Variants in CADPS2 observed in about 807,000 individuals in gnomAD.
The protein encoded by CADPS2 is calcium-dependent secretion activator 2.
CADPS2 carries 93 observed loss-of-function variants against 172.5 expected under a neutral mutation model. The observed-to-expected ratio is 0.54, with a 90% CI of 0.46 to 0.64. The LOEUF (loss-of-function observed/expected upper bound fraction) is 0.64. Among genes scored for constraint, CADPS2 ranks in the 30% least tolerant of loss-of-function variants. The pLI is 0.00. For synonymous variants in CADPS2, 546 were observed against 555.2 expected (o/e 0.98, Z 0.23); for missense variants, 1,420 against 1,565.9 (o/e 0.91, Z 1.57).
At chr7:122,627,255 T>C (rs1050044988) in intron 4 of CADPS2, among the ~76,000 whole-genome samples, 1 of 152,250 alleles carries the variant, frequency 6.6e-6, no homozygotes, top group African/African-American at 2.4e-5. Flanking sequence ...ACAAGGTTTG[T>C]AGGATTATTG....
At chr7:122,733,240 A>G (rs538542850) in intron 2 of CADPS2, among the ~76,000 whole-genome samples, 15 of 152,078 alleles carry the variant, frequency 9.9e-5, no homozygotes, top group Admixed American at 5.9e-4. Context: ...TTACAATACA[A>G]AAGTAATACT....
chr7:122,556,593 T>C (rs1234667763), intron 7 of CADPS2, among the ~76,000 whole-genome samples: 1 of 152,142 alleles, frequency 6.6e-6, no homozygotes, highest in Non-Finnish European at 1.5e-5. Flanking sequence ...CTAAATTAGG[T>C]CCCAAAATAA....
At chr7:122,527,617 A>AGAGAGAGAGAGAGAGT in intron 8 of CADPS2, among the ~76,000 whole-genome samples, 27 of 83,886 alleles carry the variant, frequency 3.2e-4, no homozygotes, top group Non-Finnish European at 6.5e-4. Flanking sequence ...AGAGAGAGAG[A>AGAGAGAGAGAGAGAGT]GTGTGTGTGT....
At chr7:122,684,837 A>G (rs144770992) in intron 2 of CADPS2, among the ~76,000 whole-genome samples, 9 of 152,318 alleles carry the variant, frequency 5.9e-5, no homozygotes, top group Admixed American at 5.9e-4. Flanking sequence ...ATAGCACGTT[A>G]TTTACTCTTG....
At chr7:122,627,162 T>C (rs2076163188) in intron 4 of CADPS2, among the ~76,000 whole-genome samples, 1 of 152,224 alleles carries the variant, frequency 6.6e-6, no homozygotes, top group Non-Finnish European at 1.5e-5. Flanking sequence ...TTATTTGTTA[T>C]GTAATCATGG....
intron 1 of CADPS2, among the ~76,000 whole-genome samples, chr7:122,868,847 G>A (rs926168702): frequency 2.0e-5 from 3 of 152,148 alleles, no homozygotes; most frequent in Non-Finnish European, 4.4e-5. Context: ...TCAACGAAGA[G>A]ATAGAACATA....
intron 8 of CADPS2, among the ~76,000 whole-genome samples, chr7:122,527,621 T>TGTGTG (rs2061373227): frequency 1.2e-5 from 1 of 84,504 alleles, no homozygotes; most frequent in African/African-American, 4.6e-5. Context: ...AGAGAGAGTG[T>TGTGTG]GTGTGTGTGT....
intron 3 of CADPS2, among the ~76,000 whole-genome samples, chr7:122,629,868 T>TGG (rs1481023511): frequency 6.6e-6 from 1 of 152,134 alleles, no homozygotes; most frequent in African/African-American, 2.4e-5. Flanking sequence ...TTTTAAGGAT[T>TGG]GGCACCATAT....
At chr7:122,567,975 T>C (rs2066684520) in intron 7 of CADPS2, among the ~76,000 whole-genome samples, 1 of 152,096 alleles carries the variant, frequency 6.6e-6, no homozygotes, top group Non-Finnish European at 1.5e-5. Flanking sequence ...ATAACCCAGT[T>C]AAAAGGCAGA....
intron 3 of CADPS2, among the ~76,000 whole-genome samples, chr7:122,655,908 A>G (rs1399624452): frequency 6.6e-6 from 1 of 152,172 alleles, no homozygotes; most frequent in Non-Finnish European, 1.5e-5. Context: ...ACATATAAAG[A>G]GCTTGGAAGT....
intron 1 of CADPS2, among the ~76,000 whole-genome samples, chr7:122,851,768 G>C (rs1414694010): frequency 6.6e-6 from 1 of 152,048 alleles, no homozygotes; most frequent in Non-Finnish European, 1.5e-5. Flanking sequence ...ACTATCATGA[G>C]AACAGCATGG....
At chr7:122,438,239 G>A (rs2050900016) in intron 17 of CADPS2, 102 bp downstream of exon 17, 3 of 1,425,502 alleles carry the variant, frequency 2.1e-6, no homozygotes, top group Non-Finnish European at 2.9e-6. Context: ...CTTTGCCATG[G>A]CACAGGATTG....
At chr7:122,478,217 C>A (rs1051176792) in intron 12 of CADPS2, among the ~76,000 whole-genome samples, 15 of 152,250 alleles carry the variant, frequency 9.9e-5, no homozygotes, top group Non-Finnish European at 1.6e-4. Context: ...ATTATGGTGA[C>A]TAGTTTTAAA....
At chr7:122,734,827 A>C (rs1166318013) in intron 2 of CADPS2, among the ~76,000 whole-genome samples, 1 of 152,160 alleles carries the variant, frequency 6.6e-6, no homozygotes, top group East Asian at 1.9e-4. Context: ...AATGAGCATC[A>C]CAAATCTTAA....
intron 27 of CADPS2, among the ~76,000 whole-genome samples, chr7:122,346,689 A>G (rs2037713045): frequency 6.6e-6 from 1 of 152,202 alleles, no homozygotes; most frequent in Non-Finnish European, 1.5e-5. Flanking sequence ...TACCTTTCCA[A>G]AGTTATTTAA....
chr7:122,343,657 A>G (rs763509454), intron 28 of CADPS2, among the ~76,000 whole-genome samples: 47 of 152,256 alleles, frequency 3.1e-4, no homozygotes, highest in Admixed American at 2.4e-3. Context: ...AAATCTATCT[A>G]TGATGGTCTA....
intron 3 of CADPS2, among the ~76,000 whole-genome samples, chr7:122,657,883 G>A (rs2080007684): frequency 6.6e-6 from 1 of 152,084 alleles, no homozygotes; most frequent in Admixed American, 6.6e-5. Flanking sequence ...TCCCTGTCTT[G>A]TGCCAGTTTT....
In CADPS2 at chr7:122,814,358, T is replaced by A. The variant is rs116062658; in HGVS notation, c.339+71641A>T. ...ACAAACAGATTTTTGATACATCAAA[T>A]GGATTACTCAGAGAAGCATCTGAAT... On this transcript the variant is annotated intron_variant, in intron 1 of 29. Transcript: ENST00000449022. Among the ~76,000 whole-genome samples the A allele has an allele frequency of 2.8e-3, 432 of 152,198 alleles. 2 individuals carry two copies. Among genetic ancestry groups the A allele is most frequent in the African/African-American group, 0.01 (417 of 41,560 alleles).
At chr7:122,351,648 T>C (rs2151041567) in intron 27 of CADPS2, among the ~76,000 whole-genome samples, 1 of 152,176 alleles carries the variant, frequency 6.6e-6, no homozygotes, top group South Asian at 2.1e-4. Context: ...TAAGGGGCTG[T>C]TCCATTACTG....
Sources: gnomAD v4.1 joint callset for allele counts (sites outside exome capture counted in the v4.1 genomes callset) on GRCh38, gnomAD v4.1.1 for gene constraint, MANE v1.5 for transcripts, NCBI Gene and HGNC (gene_info 2026-07-23, HGNC 2026-07-21) for gene names.